The following USP42 variants were observed in gnomAD, a reference collection of about 807,000 sequenced individuals.
The protein encoded by USP42 is ubiquitin carboxyl-terminal hydrolase 42.
A neutral mutation model predicts 113.0 loss-of-function variants in USP42; 23 were observed. The ratio of observed to expected loss-of-function variants is 0.20; its 90% CI spans 0.15 to 0.29. The LOEUF is 0.29. Among genes scored for constraint, USP42 ranks in the 10% least tolerant of loss-of-function variants. The pLI is 1.00. For missense variants in USP42, 2,174 were observed against 1,779.8 expected (o/e 1.22, Z -3.99); for synonymous variants, 933 against 699.0 (o/e 1.33, Z -5.28).
At chr7:6,113,187 A>ACC (rs913857565) in intron 2 of USP42, among the ~76,000 whole-genome samples, 23 of 151,704 alleles carry the variant, frequency 1.5e-4, no homozygotes, top group Non-Finnish European at 3.4e-4. Context: ...AGGCCACTGC[A>ACC]CCCGGACAAC....
chr7:6,120,581 T>A (rs777384519), intron 3 of USP42, among the ~76,000 whole-genome samples: 6 of 152,120 alleles, frequency 3.9e-5, no homozygotes, highest in Non-Finnish European at 5.9e-5. Context: ...ATTTCAGGCA[T>A]GAGCCACTAT....
intron 8 of USP42, among the ~76,000 whole-genome samples, chr7:6,143,786 G>T (rs1345943063): frequency 1.3e-5 from 2 of 151,984 alleles, no homozygotes; most frequent in Non-Finnish European, 2.9e-5. Context: ...TCGTTTTTCA[G>T]TTTCTTTTGA....
At chr7:6,122,483 T>C (rs1780283554) in intron 3 of USP42, among the ~76,000 whole-genome samples, 1 of 151,980 alleles carries the variant, frequency 6.6e-6, no homozygotes. Context: ...TTTGTTTGTT[T>C]GTTTTGAGAC....
Position 6,108,138 on chromosome 7 carries a change from G to A in USP42, c.-9-2987G>A, listed in dbSNP as rs142034714. 2.6e-5 allele frequency among the ~76,000 whole-genome samples: 4 copies of A among 152,280 alleles called. No homozygotes were observed. In the East Asian group the frequency reaches 7.7e-4, roughly 29 times the overall value. On this transcript the variant is annotated intron_variant, in intron 1 of 17. Coordinates refer to ENST00000306177, the MANE Select transcript of USP42 (RefSeq NM_032172.3). ...GGTGGAGAAGGTTGCAGTGAGCTGT[G>A]ACAGCGCCATTGCATTCCAGCCTGG...
chr7:6,143,597 C>A (rs1336896235), intron 8 of USP42, among the ~76,000 whole-genome samples: 1 of 152,018 alleles, frequency 6.6e-6, no homozygotes, highest in African/African-American at 2.4e-5. Flanking sequence ...TTTTTATTGT[C>A]AAATCTTCAA....
intron 11 of USP42, 43 bp from the exon 12 acceptor site, chr7:6,147,696 A>T (rs750390383): frequency 5.2e-6 from 8 of 1,527,052 alleles, no homozygotes; most frequent in Non-Finnish European, 4.4e-6. Context: ...TCTCCTAAGG[A>T]GGTGTCCTGT....
the USP42 span, among the ~76,000 whole-genome samples, chr7:6,084,025 T>TTTTTG: frequency 6.7e-5 from 10 of 150,230 alleles, no homozygotes; most frequent in African/African-American, 1.7e-4. Context: ...ACGAAGAGGG[T>TTTTTG]TTTTGTTTTG....
chr7:6,145,440 C>CTG (rs978315232), intron 9 of USP42, 76 bp from the exon 10 acceptor site: 1 of 1,584,770 alleles, frequency 6.3e-7, no homozygotes, highest in African/African-American at 1.3e-5. Context: ...CTAGGAAGCT[C>CTG]TAAGTACCCT....
At chr7:6,144,005 T>C (rs1781571393) in intron 8 of USP42, 80 bp from the exon 9 acceptor site, 2 of 851,302 alleles carry the variant, frequency 2.3e-6, no homozygotes, top group East Asian at 3.2e-5. Flanking sequence ...TGTTTGAGAA[T>C]AGTAACAAGA....
At chr7:6,095,513 C>T in the USP42 span, among the ~76,000 whole-genome samples, 1 of 150,920 alleles carries the variant, frequency 6.6e-6, no homozygotes, top group Non-Finnish European at 1.5e-5. Flanking sequence ...ACTAAAAATA[C>T]AAAAAATTAG....
upstream of USP42, among the ~76,000 whole-genome samples, chr7:6,101,755 G>T (rs1021239519): frequency 2.6e-5 from 4 of 151,036 alleles, no homozygotes; most frequent in Non-Finnish European, 5.9e-5. Context: ...CCTGTTCTGG[G>T]TAGACAACGC....
Position 6,134,505 on chromosome 7 carries a change from G to A in USP42, c.443-1336G>A, listed in dbSNP as rs1263181080. ...ATAGCTTGATCCTTTTGTTTTAAGC[G>A]TTATTAGGTGCGTCTGGGTAGCCTT... On this transcript the variant is annotated intron_variant, in intron 3 of 17. Coordinates refer to ENST00000306177, the MANE Select transcript of USP42 (RefSeq NM_032172.3). Among the ~76,000 whole-genome samples, 6 of 152,202 alleles carry A rather than the reference G, an allele frequency of 3.9e-5. No homozygotes were observed. In the South Asian group the frequency reaches 6.2e-4, roughly 16 times the overall value.
chr7:6,128,040 G>C (rs1780635610), intron 3 of USP42: 1 of 151,906 alleles, frequency 6.6e-6, no homozygotes, highest in African/African-American at 2.4e-5. Context: ...TCAAAATTTT[G>C]GTCTCAAGCT....
At chr7:6,120,046 A>G (rs565588354) in intron 3 of USP42, among the ~76,000 whole-genome samples, 69 of 152,022 alleles carry the variant, frequency 4.5e-4, no homozygotes, top group African/African-American at 1.5e-3. Context: ...GCTCACTGCA[A>G]CCTACGCCCC....
chr7:6,112,392 T>A (rs556352497), intron 2 of USP42, among the ~76,000 whole-genome samples: 1 of 152,006 alleles, frequency 6.6e-6, no homozygotes, highest in Admixed American at 6.6e-5. Context: ...GAGGTTGCAG[T>A]GAGCCCAAGA....
chr7:6,115,163 G>A (rs1040350737), intron 2 of USP42, among the ~76,000 whole-genome samples, 160 bp from the exon 3 acceptor site: 2 of 152,086 alleles, frequency 1.3e-5, no homozygotes, highest in Non-Finnish European at 2.9e-5. Context: ...TCATGTTCTG[G>A]TTTCTGTCTT....
chr7:6,149,312 A>G (rs1405511428), intron 12 of USP42, among the ~76,000 whole-genome samples: 2 of 152,196 alleles, frequency 1.3e-5, no homozygotes, highest in African/African-American at 4.8e-5. Context: ...TTTCGATCAG[A>G]TCTGGGACAG....
At chr7:6,106,858 GCC>G (rs1562796246) in intron 1 of USP42, among the ~76,000 whole-genome samples, 9 of 152,084 alleles carry the variant, frequency 5.9e-5, no homozygotes, top group Admixed American at 4.6e-4. Flanking sequence ...GGTCCACCAT[GCC>G]CCACCTGTAG....
intron 3 of USP42, among the ~76,000 whole-genome samples, chr7:6,135,147 T>C (rs1562829175): frequency 6.6e-6 from 1 of 152,102 alleles, no homozygotes; most frequent in Non-Finnish European, 1.5e-5. Flanking sequence ...TTGAGATAAA[T>C]AGTGGTGTGA....
Sources: gnomAD v4.1 joint callset for allele counts (sites outside exome capture counted in the v4.1 genomes callset) on GRCh38, gnomAD v4.1.1 for gene constraint, MANE v1.5 for transcripts, NCBI Gene and HGNC (gene_info 2026-07-23, HGNC 2026-07-21) for gene names.